Variants in MAST4 observed in about 807,000 individuals in gnomAD.
MAST4 encodes the protein microtubule-associated serine/threonine-protein kinase 4.
MAST4 carries 89 observed loss-of-function variants against 162.7 expected under a neutral mutation model. The ratio of observed to expected loss-of-function variants is 0.55; its 90% CI spans 0.46 to 0.65. MAST4 has a LOEUF of 0.65. Ranked by LOEUF, MAST4 falls within the 30% of genes least tolerant of loss-of-function variation. The pLI is 0.00. For missense variants in MAST4, 3,153 were observed against 3,374.0 expected (o/e 0.93, Z 1.62); for synonymous variants, 1,479 against 1,361.1 (o/e 1.09, Z -1.91).
chr5:66,841,083 A>G (rs1204436813), intron 3 of MAST4, among the ~76,000 whole-genome samples: 1 of 152,176 alleles, frequency 6.6e-6, no homozygotes, highest in African/African-American at 2.4e-5. Context: ...TCAATAAGAT[A>G]TATTACTTAC....
At chr5:67,126,896 G>A (rs567101363) in intron 14 of MAST4, among the ~76,000 whole-genome samples, 2 of 152,266 alleles carry the variant, frequency 1.3e-5, no homozygotes, top group Non-Finnish European at 2.9e-5. Context: ...TTTTCCATTT[G>A]TTTGTGTCCT....
Position 67,100,477 on chromosome 5 carries a change from C to G in MAST4, c.955C>G (p.Gln319Glu). The G allele has an allele frequency of 3.1e-6, 5 of 1,613,700 alleles. No homozygotes were observed. Among genetic ancestry groups the G allele is most frequent in the Non-Finnish European group, 4.2e-6 (5 of 1,179,814 alleles). ...GGAGAAGTTGCATCAGTTACCATAC[C>G]AACCAACACCAGACGAGTTACACTT... ...SQEKLHQLPY[Q>E]PTPDELHFLS... Residue 319 changes from glutamine to glutamate, a missense_variant, in exon 8 of 29, where the codon CAA (glutamine) becomes GAA (glutamate). Gln to Glu is a conservative substitution (Grantham distance 29). Around this residue, in one of 7 missense-constraint regions of MAST4, gnomAD observed 360 missense variants for 450.0 expected, o/e 0.80. Transcript: ENST00000403625.
At chr5:67,097,936 T>G (rs1278123259) in intron 7 of MAST4, among the ~76,000 whole-genome samples, 1 of 152,092 alleles carries the variant, frequency 6.6e-6, no homozygotes, top group Non-Finnish European at 1.5e-5. Context: ...TTTCTATTCT[T>G]TAAATATTAG....
intron 17 of MAST4, 132 bp downstream of exon 17, chr5:67,133,778 T>C: frequency 2.0e-6 from 2 of 997,648 alleles, no homozygotes; most frequent in Non-Finnish European, 2.9e-6. Context: ...ACCTTACATT[T>C]AATAAAGTGC....
At position 67,167,006 on chromosome 5, in the gene MAST4, G is replaced by A. The variant is rs1167421556; in HGVS notation, c.7827G>A (p.Arg2609=). The A allele has an allele frequency of 1.9e-6, 3 of 1,607,606 alleles. No individual in the cohort carries two copies. The highest frequency in any genetic ancestry group is 2.2e-5 in the South Asian group (2 of 90,546). The change falls in exon 29 of 29, where the codon CGG becomes CGA. Residue 2609 remains arginine (R), a synonymous_variant. Transcript: ENST00000403625. ...NEKDFVVRQR[R]GKESLRSSPH... ...AGGACTTTGTGGTACGGCAGAGGCG[G>A]GGGAAAGAGAGTTTGCGTAGCAGCC... is the stretch of plus-strand genomic sequence containing the variant.
chr5:66,664,839 AAATGGAAAC>A (rs1240607473), intron 1 of MAST4, among the ~76,000 whole-genome samples: 1 of 152,200 alleles, frequency 6.6e-6, no homozygotes, highest in East Asian at 1.9e-4. Context: ...ATTTAAAAAC[AAATGGAAAC>A]ATTACAACGA....
At chr5:66,827,894 C>T (rs918852923) in intron 3 of MAST4, among the ~76,000 whole-genome samples, 9 of 152,118 alleles carry the variant, frequency 5.9e-5, no homozygotes, top group African/African-American at 2.2e-4. Flanking sequence ...TACTCCTGTG[C>T]CATGCCAGTA....
intron 1 of MAST4, among the ~76,000 whole-genome samples, chr5:66,741,433 A>G (rs1162656469): frequency 2.0e-5 from 3 of 152,188 alleles, no homozygotes; most frequent in Non-Finnish European, 4.4e-5. Context: ...GCCAGATAGT[A>G]AATATTTTAG....
intron 11 of MAST4, 94 bp from the exon 12 acceptor site, chr5:67,113,993 T>C: frequency 7.1e-7 from 1 of 1,409,586 alleles, no homozygotes; most frequent in East Asian, 2.3e-5. Flanking sequence ...CAGCCATGTA[T>C]ACCCAGCAGT....
At chr5:66,883,151 C>T (rs1761800077) in intron 3 of MAST4, among the ~76,000 whole-genome samples, 1 of 152,198 alleles carries the variant, frequency 6.6e-6, no homozygotes, top group Non-Finnish European at 1.5e-5. Context: ...TCTCTCACCC[C>T]TGGTGGATTG....
At chr5:67,049,020 T>TACGTATATATATACAC (rs1757747020) in intron 4 of MAST4, among the ~76,000 whole-genome samples, 1 of 102,924 alleles carries the variant, frequency 9.7e-6, no homozygotes, top group Non-Finnish European at 2.0e-5. Flanking sequence ...TATATATATA[T>TACGTATATATATACAC]ACGTATATAT....
At chr5:66,997,490 G>A (rs1411090492) in intron 4 of MAST4, among the ~76,000 whole-genome samples, 1 of 147,974 alleles carries the variant, frequency 6.8e-6, no homozygotes, top group Non-Finnish European at 1.5e-5. Flanking sequence ...GGAGTGCAGT[G>A]GCATGATCTC....
At chr5:66,770,461 C>A (rs117622517) in intron 2 of MAST4, among the ~76,000 whole-genome samples, 1 of 152,148 alleles carries the variant, frequency 6.6e-6, no homozygotes, top group African/African-American at 2.4e-5. Flanking sequence ...GGTGGTCTAC[C>A]GATGAGTCAT....
At chr5:66,782,429 C>T (rs1242873131) in intron 2 of MAST4, among the ~76,000 whole-genome samples, 1 of 152,192 alleles carries the variant, frequency 6.6e-6, no homozygotes, top group East Asian at 1.9e-4. Flanking sequence ...GAACTTTCCA[C>T]TCTAACTCTG....
chr5:66,608,067 G>GT (rs201960504), intron 1 of MAST4, among the ~76,000 whole-genome samples: 39,806 of 140,282 alleles, frequency 0.28, 6,433 homozygotes, highest in Admixed American at 0.38. Flanking sequence ...TTTTTTTTTT[G>GT]TTTTTTTTTT....
intron 7 of MAST4, 87 bp from the exon 8 acceptor site, chr5:67,100,348 G>T: frequency 7.6e-7 from 1 of 1,315,712 alleles, no homozygotes; most frequent in Non-Finnish European, 1.1e-6. Context: ...TGGTGGTATT[G>T]TCCAAGTTTA....
At chr5:66,967,472 T>C (rs1746881336) in intron 4 of MAST4, among the ~76,000 whole-genome samples, 1 of 152,068 alleles carries the variant, frequency 6.6e-6, no homozygotes, top group African/African-American at 2.4e-5. Context: ...CACTGCCATA[T>C]GGAGGTTGTG....
intron 3 of MAST4, among the ~76,000 whole-genome samples, chr5:66,880,760 G>A (rs575281855): frequency 6.6e-6 from 1 of 152,156 alleles, no homozygotes; most frequent in African/African-American, 2.4e-5. Flanking sequence ...GTGATGCTTT[G>A]TATAAGGTAT....
At position 67,144,682 on chromosome 5, in the gene MAST4, T is replaced by C. The variant is rs373254092; in HGVS notation, c.2744T>C (p.Ile915Thr). ...TTTGCCTTCCAGGTTTTCAGCAGTA[T>C]AGATCGAATCACTCAGAATTCAGCA... ...SHRFSKVFSS[I>T]DRITQNSAEE... Residue 915 changes from isoleucine (I) to threonine (T), a missense_variant, in exon 22 of 29, where the codon ATA becomes ACA. Physicochemically the swap from Ile to Thr is moderately conservative, Grantham distance 89. Coordinates refer to ENST00000403625, the MANE Select transcript of MAST4 (RefSeq NM_001164664.2). 1.6e-5 allele frequency: 26 copies of C among 1,613,916 alleles called. No homozygotes were observed. Among genetic ancestry groups the C allele is most frequent in the Non-Finnish European group, 2.2e-5 (26 of 1,179,826 alleles).
Sources: allele counts gnomAD v4.1 joint callset (sites outside exome capture counted in the v4.1 genomes callset), GRCh38; gene constraint gnomAD v4.1.1; regional missense constraint gnomAD v4.1.1; transcripts MANE v1.5; gene names NCBI Gene and HGNC (gene_info 2026-07-23, HGNC 2026-07-21).